FREM3: variants seen among roughly 807,000 people sequenced by gnomAD.
FREM3 encodes FRAS1-related extracellular matrix protein 3.
In FREM3, 105 loss-of-function variants were observed where a neutral mutation model predicts 129.1. That is an observed-to-expected ratio of 0.81 (90% CI 0.69 to 0.96). The LOEUF is 0.96. Among genes scored for constraint, FREM3 ranks in the 40% least tolerant of loss-of-function variants. The pLI, the probability that FREM3 is intolerant of heterozygous loss-of-function variation, is 0.00. For missense variants in FREM3, 2,593 were observed against 2,666.3 expected, an observed-to-expected ratio of 0.97 and a Z score of 0.61; for synonymous variants, 1,014 against 1,044.9, an observed-to-expected ratio of 0.97 and a Z score of 0.57.
rs944982069 is a variant in FREM3 at position 143,591,801 on chromosome 4, C to T, written c.6029-5808G>A. Reference sequence around the variant, plus strand: ...TTCAATTCCTGGATATCTTTGTTAACTTTCTGTCTCACTGATCTGTCTAAT... The same window carrying T: ...TTCAATTCCTGGATATCTTTGTTAATTTTCTGTCTCACTGATCTGTCTAAT... On this transcript the variant is annotated intron_variant, in intron 6 of 7. Transcript: ENST00000329798. Among the ~76,000 whole-genome samples, 44 of 152,256 alleles carry T rather than the reference C, an allele frequency of 2.9e-4. No individual in the cohort carries two copies. The Middle Eastern group carries it at 0.01, about 35-fold the overall frequency.
At chr4:143,614,561 G>A (rs1361158909) in intron 5 of FREM3, among the ~76,000 whole-genome samples, 2 of 152,312 alleles carry the variant, frequency 1.3e-5, no homozygotes, top group South Asian at 4.1e-4. Flanking sequence ...ACCAGTGGTA[G>A]AGCATAGCAT....
Position 143,697,160 on chromosome 4 carries a change from A to T in FREM3, c.3516T>A (p.Asp1172Glu). 1 of 1,537,946 alleles carries T rather than the reference A, an allele frequency of 6.5e-7. No individual in the cohort carries two copies. The change falls in exon 1 of 8, where the codon GAT (aspartate) becomes GAA (glutamate). Residue 1172 changes from aspartate (D) to glutamate (E), a missense_variant. Around this residue, in one of 2 missense-constraint regions of FREM3, gnomAD observed 2,276 missense variants for 2,267.2 expected, o/e 1.00. Transcript: ENST00000329798. ...AGACATTTGGGGAGAAGTTGATGCC[A>T]TCAGAGCAATAAAAGGTGAATTGGT... is the stretch of plus-strand genomic sequence containing the variant. ...QEDQFTFYCS[D>E]GINFSPNVFF...
chr4:143,640,761 T>A (rs1284278208), intron 2 of FREM3, among the ~76,000 whole-genome samples: 2 of 152,196 alleles, frequency 1.3e-5, no homozygotes, highest in Non-Finnish European at 2.9e-5. Flanking sequence ...TTTAGATTCT[T>A]AGCTTAGAGC....
chr4:143,676,172 A>C (rs1740116330), intron 2 of FREM3, among the ~76,000 whole-genome samples: 1 of 152,152 alleles, frequency 6.6e-6, no homozygotes, highest in Non-Finnish European at 1.5e-5. Context: ...ATCCAGCAGC[A>C]CATCAAAAAG....
intron 5 of FREM3, among the ~76,000 whole-genome samples, chr4:143,613,272 T>C (rs1467849071): frequency 6.6e-6 from 1 of 152,178 alleles, no homozygotes; most frequent in East Asian, 1.9e-4. Flanking sequence ...GGGCAGAAAC[T>C]GATCAAAATG....
intron 6 of FREM3, among the ~76,000 whole-genome samples, chr4:143,599,433 G>C (rs1738535006): frequency 6.6e-6 from 1 of 152,138 alleles, no homozygotes; most frequent in Non-Finnish European, 1.5e-5. Flanking sequence ...TTCCTCATTT[G>C]TAAAATGAAG....
Position 143,699,691 on chromosome 4 carries a change from C to T in FREM3, c.985G>A (p.Ala329Thr), listed in dbSNP as rs958819237. Residue 329 changes from alanine to threonine, a missense_variant, in exon 1 of 8, where the codon GCA (alanine) becomes ACA (threonine). Ala to Thr is a moderately conservative substitution (Grantham distance 58). Around this residue, in one of 2 missense-constraint regions of FREM3, gnomAD observed 2,276 missense variants for 2,267.2 expected, o/e 1.00. Transcript: ENST00000329798. The surrounding 1 kb of genome is among the most constrained non-coding windows in gnomAD (Gnocchi z 4.2). ...PLVLTALTPD[A>T]LAAEDVESDP... ...GACTCGACGTCCTCCGCGGCCAGTGCGTCAGGCGTCAGGGCTGTCAGCACC... is the reference window on the plus strand; with the variant it reads ...GACTCGACGTCCTCCGCGGCCAGTGTGTCAGGCGTCAGGGCTGTCAGCACC... The T allele has an allele frequency of 1.3e-6, 2 of 1,523,354 alleles. No individual in the cohort carries two copies. Among genetic ancestry groups the T allele is most frequent in the Non-Finnish European group, 8.8e-7 (1 of 1,139,152 alleles). 94.4% of individuals were successfully genotyped at this position (1,523,354 alleles called of 1,614,324 possible). A position where few individuals can be genotyped will look rare whatever the true frequency, so the allele number is the denominator to read the frequency against.
chr4:143,625,982 C>CA lies in FREM3; in HGVS notation c.5422+1631dup, dbSNP rs552241212. 3.5e-3 allele frequency among the ~76,000 whole-genome samples: 526 copies of CA among 152,234 alleles called. 5 individuals are homozygous for CA. The highest frequency in any genetic ancestry group is 0.012 in the African/African-American group (515 of 41,528). Reference sequence around the variant, plus strand: ...AAGGAAACTGAACTCTTTTGAAAGTCACAAAAAAGAGTAAGTGACAGAGCA... The same window carrying CA: ...AAGGAAACTGAACTCTTTTGAAAGTCAACAAAAAAGAGTAAGTGACAGAGCA... On this transcript the variant is annotated intron_variant, in intron 3 of 7. Transcript: ENST00000329798.
At chr4:143,578,865 A>G (rs897089966) in intron 7 of FREM3, among the ~76,000 whole-genome samples, 7 of 152,244 alleles carry the variant, frequency 4.6e-5, no homozygotes, top group Non-Finnish European at 8.8e-5. Flanking sequence ...TGCATGATTT[A>G]GAACTGGATT....
chr4:143,608,957 T>A (rs900494300), intron 6 of FREM3, among the ~76,000 whole-genome samples: 20 of 152,192 alleles, frequency 1.3e-4, no homozygotes, highest in Admixed American at 8.5e-4. Flanking sequence ...ATGGAAAAAC[T>A]CAGCCTACAG....
chr4:143,588,706 G>C (rs1463947672), intron 6 of FREM3, among the ~76,000 whole-genome samples: 1 of 151,590 alleles, frequency 6.6e-6, no homozygotes, highest in African/African-American at 2.4e-5. Flanking sequence ...ATAAACATAC[G>C]TGTGCATGTG....
intron 7 of FREM3, 102 bp from the exon 8 acceptor site, chr4:143,577,954 T>C (rs1738069515): frequency 3.3e-6 from 4 of 1,215,336 alleles, no homozygotes; most frequent in Non-Finnish European, 4.5e-6. Flanking sequence ...CATTCACCTT[T>C]GTACCCAACA....
intron 4 of FREM3, among the ~76,000 whole-genome samples, chr4:143,623,573 AT>A (rs149902769): frequency 1.4e-5 from 2 of 137,976 alleles, no homozygotes; most frequent in East Asian, 2.4e-4. Context: ...TACTGCTTAG[AT>A]TTTTTTTCCT....
At chr4:143,611,167 C>T (rs1353029489) in intron 6 of FREM3, 112 bp downstream of exon 6, 4 of 1,181,172 alleles carry the variant, frequency 3.4e-6, no homozygotes, top group Non-Finnish European at 4.6e-6. Context: ...GATAAAAGAA[C>T]ATCAAATATT....
chr4:143,682,484 C>T (rs1740271762), intron 2 of FREM3, among the ~76,000 whole-genome samples: 2 of 152,168 alleles, frequency 1.3e-5, no homozygotes, highest in South Asian at 2.1e-4. Context: ...AAACTTCTAG[C>T]GGGTATTGGG....
In FREM3 at chr4:143,673,898, G is replaced by A. The variant is rs536459277; in HGVS notation, c.5275+19215C>T. Among the ~76,000 whole-genome samples, 37 of 152,350 alleles carry A rather than the reference G, an allele frequency of 2.4e-4. No individual in the cohort carries two copies. The South Asian group carries it at 5.0e-3, about 20-fold the overall frequency. ...GTGTGGGACCCTCCGAGCCATGCGC[G>A]GGATATAATCTCCTGGTGTGCCATT... is the stretch of plus-strand genomic sequence containing the variant. On this transcript the variant is annotated intron_variant, in intron 2 of 7. Coordinates refer to ENST00000329798, the MANE Select transcript of FREM3 (RefSeq NM_001168235.2).
intron 6 of FREM3, among the ~76,000 whole-genome samples, chr4:143,591,056 C>G (rs1047594170): frequency 2.0e-5 from 3 of 152,136 alleles, no homozygotes; most frequent in African/African-American, 7.2e-5. Flanking sequence ...CTGATGGTAG[C>G]TTTTATTTCT....
intron 6 of FREM3, among the ~76,000 whole-genome samples, chr4:143,594,447 A>G (rs564321237): frequency 2.6e-5 from 4 of 152,266 alleles, no homozygotes; most frequent in Admixed American, 2.6e-4. Flanking sequence ...ATGCCCTTGT[A>G]TTTTTAGTGA....
chr4:143,609,265 G>A (rs568339645), intron 6 of FREM3, among the ~76,000 whole-genome samples: 1 of 152,158 alleles, frequency 6.6e-6, no homozygotes, highest in South Asian at 2.1e-4. Flanking sequence ...TGTGTACCTA[G>A]ACCTATTACT....
Sources: gnomAD v4.1 joint callset for allele counts (sites outside exome capture counted in the v4.1 genomes callset) on GRCh38, gnomAD v4.1.1 for gene constraint, gnomAD v4.1.1 regional missense constraint, Gnocchi (gnomAD v3.1) non-coding constraint, MANE v1.5 for transcripts, NCBI Gene and HGNC (gene_info 2026-07-23, HGNC 2026-07-21) for gene names.